The following RGS12 variants were observed in gnomAD, a reference collection of about 807,000 sequenced individuals.
RGS12 encodes the protein regulator of G protein signaling 12, also known as regulator of G-protein signaling 12.
RGS12 carries 66 observed loss-of-function variants against 120.1 expected under a neutral mutation model. The observed-to-expected ratio is 0.55, with a 90% confidence interval of 0.45 to 0.67. RGS12 has a LOEUF of 0.67. Among genes scored for constraint, RGS12 ranks in the 30% least tolerant of loss-of-function variants. The pLI is 0.00. For missense variants in RGS12, 1,859 were observed against 1,957.7 expected (o/e 0.95, Z 0.95); for synonymous variants, 827 against 804.7 (o/e 1.03, Z -0.47).
chr4:3,422,631 C>A, intron 11 of RGS12, 61 bp downstream of exon 11: 4 of 1,535,500 alleles, frequency 2.6e-6, no homozygotes, highest in Middle Eastern at 4.4e-4. Flanking sequence ...CTCCCTGGCC[C>A]CCAGCTTTGT....
rs1242070503 is a variant in RGS12 at position 3,429,622 on chromosome 4, G to A, written c.3566-785G>A. Among the ~76,000 whole-genome samples, 8 of 152,350 alleles carry A rather than the reference G, an allele frequency of 5.3e-5. No homozygotes were observed. The South Asian group carries it at 1.7e-3, about 32-fold the overall frequency. On this transcript the variant is annotated intron_variant, in intron 16 of 17. Coordinates refer to ENST00000336727, the MANE Select transcript of RGS12 (RefSeq NM_001394154.1). Reference sequence around the variant, plus strand: ...AGTTTAGACGCCATCTACCTCGAATGGTGGCCTTGGGGCCTGCTACACTAG... The same window carrying A: ...AGTTTAGACGCCATCTACCTCGAATAGTGGCCTTGGGGCCTGCTACACTAG...
rs1478779970 is a variant in RGS12 at position 3,422,450 on chromosome 4, G to C, written c.2913G>C (p.Gly971=). The change falls in exon 11 of 18, where the codon GGG becomes GGC. Residue 971 remains glycine, a synonymous_variant. Coordinates refer to ENST00000336727, the MANE Select transcript of RGS12 (RefSeq NM_001394154.1). The part of the protein sequence containing the change: ...TKHCCIHLPD[G]TSCVVAVKAG... ...ACTGCTGCATTCATCTCCCGGATGG[G>C]ACATCCTGCGTGGTGGCTGTCAAGG... The C allele has an allele frequency of 3.6e-5, 58 of 1,613,070 alleles. No individual in the cohort carries two copies. Among genetic ancestry groups the C allele is most frequent in the Non-Finnish European group, 4.9e-5 (58 of 1,180,004 alleles).
chr4:3,353,146 A>G (rs1714529676), intron 3 of RGS12, among the ~76,000 whole-genome samples: 1 of 152,128 alleles, frequency 6.6e-6, no homozygotes, highest in Non-Finnish European at 1.5e-5. Context: ...AGCCACTGTG[A>G]TGTTCTGAGT....
chr4:3,334,425 G>A (rs1712217237), intron 2 of RGS12, among the ~76,000 whole-genome samples: 1 of 152,086 alleles, frequency 6.6e-6, no homozygotes, highest in Admixed American at 6.6e-5. Context: ...TATTTGGTTT[G>A]CTACTATTTT....
chr4:3,397,626 T>C (rs1235285674), intron 4 of RGS12, among the ~76,000 whole-genome samples: 1 of 152,084 alleles, frequency 6.6e-6, no homozygotes, highest in Non-Finnish European at 1.5e-5. Flanking sequence ...GAGGAGCAGA[T>C]AGGGGGGTGA....
intron 3 of RGS12, among the ~76,000 whole-genome samples, chr4:3,368,538 T>G (rs1260206028): frequency 1.2e-4 from 13 of 112,368 alleles, no homozygotes; most frequent in African/African-American, 3.2e-4. Flanking sequence ...CGTGTGTGTG[T>G]GGGGTACGTG....
chr4:3,423,394 A>G, intron 12 of RGS12, 121 bp from the exon 13 acceptor site: 1 of 1,337,472 alleles, frequency 7.5e-7, no homozygotes, highest in Non-Finnish European at 1.0e-6. Flanking sequence ...CTGGGGCTGA[A>G]CTGGGGGGCA....
intron 3 of RGS12, among the ~76,000 whole-genome samples, chr4:3,369,159 G>A (rs1169112068): frequency 1.3e-5 from 2 of 152,170 alleles, no homozygotes; most frequent in South Asian, 2.1e-4. Context: ...TGCTTGCTGG[G>A]GGTGTGGCTG....
chr4:3,332,448 T>A (rs1017961416), intron 2 of RGS12, among the ~76,000 whole-genome samples: 1 of 152,248 alleles, frequency 6.6e-6, no homozygotes, highest in African/African-American at 2.4e-5. Flanking sequence ...TACTGCTACA[T>A]ACACAGAGCC....
At chr4:3,403,433 G>T (rs1330706350) in intron 4 of RGS12, among the ~76,000 whole-genome samples, 2 of 152,220 alleles carry the variant, frequency 1.3e-5, no homozygotes, top group Non-Finnish European at 2.9e-5. Context: ...TGCTGCTGGG[G>T]ATACCGGGAC....
At chr4:3,373,270 CG>C (rs1717237874) in intron 3 of RGS12, among the ~76,000 whole-genome samples, 1 of 152,226 alleles carries the variant, frequency 6.6e-6, no homozygotes, top group Non-Finnish European at 1.5e-5. Context: ...ACGGGCGGGC[CG>C]GCTGGGCCAG....
At chr4:3,342,486 TA>T in intron 2 of RGS12, 1 of 1,289,862 alleles carries the variant, frequency 7.8e-7, no homozygotes, top group African/African-American at 1.5e-5. Context: ...TTTCATTTCC[TA>T]AAGTGCTTAC....
intron 4 of RGS12, among the ~76,000 whole-genome samples, chr4:3,401,660 G>A (rs1301593807): frequency 6.6e-6 from 1 of 152,262 alleles, no homozygotes; most frequent in Non-Finnish European, 1.5e-5. Context: ...CAAACAGTGT[G>A]ACTCTGGAAC....
intron 1 of RGS12, among the ~76,000 whole-genome samples, chr4:3,295,982 T>C (rs1209614284): frequency 1.3e-5 from 2 of 152,124 alleles, no homozygotes; most frequent in Non-Finnish European, 2.9e-5. Flanking sequence ...CTGGCCAAGC[T>C]CCCTCCCGAG....
At chr4:3,290,325 C>T (rs1304618912), upstream of RGS12, among the ~76,000 whole-genome samples, 1 of 152,226 alleles carries the variant, frequency 6.6e-6, no homozygotes, top group Non-Finnish European at 1.5e-5. Flanking sequence ...CTCCACCCAT[C>T]TCCAGAATGC....
chr4:3,365,214 G>A lies in RGS12; in HGVS notation c.1999-21202G>A, dbSNP rs546212755. Reference sequence around the variant, plus strand: ...ACCGCAGTCCCCGGCCAGATCCACTGCCTGTTCTTGTAAATAGAGTCTCCC... The same window carrying A: ...ACCGCAGTCCCCGGCCAGATCCACTACCTGTTCTTGTAAATAGAGTCTCCC... On this transcript the variant is annotated intron_variant, in intron 3 of 17. Transcript: ENST00000336727. The surrounding 1 kb of genome is among the most constrained non-coding windows in gnomAD (Gnocchi z 4.0). Among the ~76,000 whole-genome samples the A allele has an allele frequency of 2.6e-4, 40 of 152,322 alleles. 1 individual carries two copies. In the South Asian group the frequency reaches 7.9e-3, roughly 30 times the overall value.
chr4:3,416,174 T>C, intron 7 of RGS12, 53 bp downstream of exon 7: 1 of 1,597,674 alleles, frequency 6.3e-7, no homozygotes, highest in Non-Finnish European at 8.6e-7. Context: ...GCTCGGGGTA[T>C]AGGGTCCACC....
chr4:3,321,006 A>G (rs1353348540), intron 2 of RGS12, among the ~76,000 whole-genome samples: 1 of 152,154 alleles, frequency 6.6e-6, no homozygotes, highest in Admixed American at 6.5e-5. Flanking sequence ...TCAGGCAGCG[A>G]GCTTCACGTG....
Position 3,422,975 on chromosome 4 carries a change from T to G in RGS12, c.3104T>G (p.Phe1035Cys), listed in dbSNP as rs772785798. 1 of 1,612,634 alleles carries G rather than the reference T, an allele frequency of 6.2e-7. No homozygotes were observed. Among genetic ancestry groups the G allele is most frequent in the African/African-American group, 1.3e-5 (1 of 74,920 alleles). ...CTGCGCCTAGAAAAGCGCACCTTGT[T>G]TCGGTAAGAGGAAGATCGCTGTCAT... ...RDLRLEKRTL[F>C]RLDLVPINRS... The change falls in exon 12 of 18, where the codon TTT becomes TGT. Residue 1035 changes from phenylalanine (F) to cysteine (C), a missense_variant. Coordinates refer to ENST00000336727, the MANE Select transcript of RGS12 (RefSeq NM_001394154.1).
Sources: allele counts gnomAD v4.1 joint callset (sites outside exome capture counted in the v4.1 genomes callset), GRCh38; gene constraint gnomAD v4.1.1; non-coding constraint Gnocchi (gnomAD v3.1); transcripts MANE v1.5; gene names NCBI Gene and HGNC (gene_info 2026-07-23, HGNC 2026-07-21).